The following KCTD19 variants were observed in gnomAD, a reference collection of about 807,000 sequenced individuals.
KCTD19 encodes the protein BTB/POZ domain-containing protein KCTD19.
Under a neutral mutation model 103.5 loss-of-function variants are expected in KCTD19, and 67 were observed. The observed-to-expected ratio is 0.65, with a 90% CI of 0.53 to 0.79. The LOEUF (loss-of-function observed/expected upper bound fraction) is 0.79, where lower values mean the gene tolerates loss of function less well. KCTD19 is among the 30% of genes least tolerant of loss of function. The probability of loss-of-function intolerance (pLI) is 0.00; values close to 1 mark genes in which losing one functional copy is unlikely to be tolerated. For missense variants in KCTD19, 980 were observed against 1,136.1 expected, an observed-to-expected ratio of 0.86 and a Z score of 1.98; for synonymous variants, 439 against 452.2, an observed-to-expected ratio of 0.97 and a Z score of 0.37.
rs1016779366 is a variant in KCTD19 at position 67,304,543 on chromosome 16, T to C, written c.329A>G (p.His110Arg). The change falls in exon 3 of 16, where the codon CAC becomes CGC. Residue 110 changes from histidine (H) to arginine (R), a missense_variant. Transcript: ENST00000304372. The part of the protein sequence containing the change: ...QTLDNLKEGK[H>R]HLRVRPADLP... ...GTCTGCAGGCCGTACGCGTAGATGG[T>C]GTTTCCCTTCCTTCAGGTTATCTAG... 2 of 1,614,138 alleles carry C rather than the reference T, an allele frequency of 1.2e-6. No homozygotes were observed. The highest frequency in any genetic ancestry group is 1.7e-5 in the Admixed American group (1 of 60,024).
chr16:67,316,955 T>G (rs903897906), intron 2 of KCTD19, among the ~76,000 whole-genome samples: 3 of 152,182 alleles, frequency 2.0e-5, no homozygotes, highest in African/African-American at 7.2e-5. Context: ...TGTTGATCAT[T>G]CTACATGGCT....
At chr16:67,292,010 A>C (rs2036702834) in intron 12 of KCTD19, among the ~76,000 whole-genome samples, 173 bp from the exon 13 acceptor site, 1 of 152,088 alleles carries the variant, frequency 6.6e-6, no homozygotes, top group Non-Finnish European at 1.5e-5. Flanking sequence ...AGTAGCTGGG[A>C]TTACAGGCAC....
rs1182540260 is a variant in KCTD19 at position 67,290,913 on chromosome 16, G to T, written c.2639C>A (p.Thr880Asn). 1 of 1,613,988 alleles carries T rather than the reference G, an allele frequency of 6.2e-7. No individual in the cohort carries two copies. Among genetic ancestry groups the T allele is most frequent in the African/African-American group, 1.3e-5 (1 of 75,062 alleles). ...CACCCAGCTGTACAGGCGCTCCTGG[G>T]TGTGCCGGTCATCCTTGAAGCCGGT... The part of the protein sequence containing the change: ...AITGFKDDRH[T>N]QERLYSWVEL... Residue 880 changes from threonine to asparagine, a missense_variant, in exon 15 of 16, where the codon ACC becomes AAC. Thr to Asn is a moderately conservative substitution (Grantham distance 65). Coordinates refer to ENST00000304372, the MANE Select transcript of KCTD19 (RefSeq NM_001100915.3).
At position 67,326,573 on chromosome 16, in the gene KCTD19, G is replaced by A. The variant is rs544804981; in HGVS notation, c.3+132C>T. 29 of 1,280,016 alleles carry A rather than the reference G, an allele frequency of 2.3e-5. 1 individual carries two copies. Among genetic ancestry groups the A allele is most frequent in the South Asian group, 1.2e-4 (9 of 75,112 alleles). The allele number at this position is 1,280,016 out of a possible 1,614,324, so 79.3% of individuals were successfully genotyped here. On this transcript the variant is annotated intron_variant, in intron 1 of 15. Coordinates refer to ENST00000304372, the MANE Select transcript of KCTD19 (RefSeq NM_001100915.3). ...AGAGCCAGCCCCCCAAATCCTTCCC[G>A]GCTGGGGGCCCCTCGCTCTCTCCCA...
In KCTD19 at chr16:67,291,680, C is replaced by T. The variant is rs766569595; in HGVS notation, c.2376G>A (p.Arg792=). 9 of 1,613,818 alleles carry T rather than the reference C, an allele frequency of 5.6e-6. No individual in the cohort carries two copies. Among genetic ancestry groups the T allele is most frequent in the African/African-American group, 1.3e-5 (1 of 74,860 alleles). ...IIYTTEMDNL[R]HTTPTASPQP... is the part of the protein sequence containing the mutation. ...GGGGACTGGCTGTGGGTGTTGTGTG[C>T]CTGAGGTTGTCCATCTCCGTGGTAT... Residue 792 remains arginine, a synonymous_variant, in exon 13 of 16, where the codon AGG becomes AGA. Coordinates refer to ENST00000304372, the MANE Select transcript of KCTD19 (RefSeq NM_001100915.3).
Position 67,291,765 on chromosome 16 carries a change from G to A in KCTD19, c.2291C>T (p.Thr764Ile), listed in dbSNP as rs374808560. 2.0e-5 allele frequency: 33 copies of A among 1,613,962 alleles called. No homozygotes were observed. The highest frequency in any genetic ancestry group is 1.0e-4 in the Admixed American group (6 of 60,002). Reference protein sequence around the residue: ...VDSLGVILKVTHPPVVGSDGF... With the variant: ...VDSLGVILKVIHPPVVGSDGF... ...ATCGCTGCCCACCACGGGGGGGTGA[G>A]TCACTTTGAGGATAACCCCTAGGCT... The change falls in exon 13 of 16, where the codon ACT becomes ATT. Residue 764 changes from threonine (T) to isoleucine (I), a missense_variant. Transcript: ENST00000304372.
chr16:67,302,719 C>T (rs1348009287), intron 4 of KCTD19: 1 of 172,670 alleles, frequency 5.8e-6, no homozygotes, highest in Non-Finnish European at 1.2e-5. Flanking sequence ...AGTTTGCTGA[C>T]ATTAAGAGCA....
chr16:67,311,068 T>C (rs533248176), intron 2 of KCTD19, among the ~76,000 whole-genome samples: 29 of 152,324 alleles, frequency 1.9e-4, no homozygotes, highest in African/African-American at 6.3e-4. Flanking sequence ...AGCAGATATG[T>C]TGTTAAGCAT....
At chr16:67,319,799 C>T (rs1167511737) in intron 2 of KCTD19, among the ~76,000 whole-genome samples, 1 of 150,666 alleles carries the variant, frequency 6.6e-6, no homozygotes, top group Non-Finnish European at 1.5e-5. Flanking sequence ...TGACATTTGG[C>T]CCAAGATTAG....
At chr16:67,304,309 C>T in intron 3 of KCTD19, 112 bp downstream of exon 3, 2 of 1,038,594 alleles carry the variant, frequency 1.9e-6, no homozygotes, top group East Asian at 4.8e-5. Flanking sequence ...ATGACAGAGA[C>T]TGCCTCAGAA....
In KCTD19 at chr16:67,291,006, T is replaced by A. The variant is rs749025113; in HGVS notation, c.2566-20A>T. 6.2e-7 allele frequency: 1 copy of A among 1,612,064 alleles called. No homozygotes were observed. The highest frequency in any genetic ancestry group is 1.1e-5 in the South Asian group (1 of 90,848). ...CAGGGTCTGCCAGGAGAGCCCACAG[T>A]CAGGCAGTGCTAGGGCAGCTCCTAG... On this transcript the variant is annotated intron_variant, in intron 14 of 15. Transcript: ENST00000304372.
Position 67,323,199 on chromosome 16 carries a change from A to G in KCTD19, c.4-2314T>C, listed in dbSNP as rs997051729. On this transcript the variant is annotated intron_variant, in intron 1 of 15. Transcript: ENST00000304372. This position sits in a 1 kb window ranked among gnomAD's most constrained non-coding sequence, Gnocchi z 4.1. Reference sequence around the variant, plus strand: ...ACTATGAGCCAGCAATTCCACTCCTAGGTGTACACTTAAGACAAATAAAGA... The same window carrying G: ...ACTATGAGCCAGCAATTCCACTCCTGGGTGTACACTTAAGACAAATAAAGA... 1.3e-5 allele frequency among the ~76,000 whole-genome samples: 2 copies of G among 152,210 alleles called. No homozygotes were observed. Among genetic ancestry groups the G allele is most frequent in the African/African-American group, 2.4e-5 (1 of 41,460 alleles).
intron 7 of KCTD19, among the ~76,000 whole-genome samples, chr16:67,297,014 A>G (rs1017509890): frequency 2.0e-5 from 3 of 152,220 alleles, no homozygotes; most frequent in African/African-American, 7.2e-5. Context: ...TACAGCTTAA[A>G]CTTTGTCCCC....
At chr16:67,316,270 G>C (rs1237586463) in intron 2 of KCTD19, among the ~76,000 whole-genome samples, 2 of 151,922 alleles carry the variant, frequency 1.3e-5, no homozygotes, top group Non-Finnish European at 2.9e-5. Flanking sequence ...CTTGTCCTGG[G>C]CTCAAGAATC....
rs1385459705 is a variant in KCTD19 at position 67,304,509 on chromosome 16, A to G, written c.363T>C (p.Val121=). 6.2e-7 allele frequency: 1 copy of G among 1,614,066 alleles called. No homozygotes were observed. Among genetic ancestry groups the G allele is most frequent in the Non-Finnish European group, 8.5e-7 (1 of 1,179,908 alleles). The change falls in exon 3 of 16, where the codon GTT becomes GTC. Residue 121 remains valine (V), a synonymous_variant. Coordinates refer to ENST00000304372, the MANE Select transcript of KCTD19 (RefSeq NM_001100915.3). The part of the protein sequence containing the change: ...HLRVRPADLP[V]AERASLNYWR... ...AGTAGTTCAGAGATGCTCTCTCAGCAACAGGTAGGTCTGCAGGCCGTACGC... is the reference window on the plus strand; with the variant it reads ...AGTAGTTCAGAGATGCTCTCTCAGCGACAGGTAGGTCTGCAGGCCGTACGC...
At position 67,297,433 on chromosome 16, in the gene KCTD19, C is replaced by T. The variant is rs916695574; in HGVS notation, c.1147+70G>A. 4.1e-6 allele frequency: 6 copies of T among 1,464,948 alleles called. No homozygotes were observed. The African/African-American group carries it at 7.0e-5, about 17-fold the overall frequency. The allele number at this position is 1,464,948 out of a possible 1,614,324, so 90.7% of individuals were successfully genotyped here. ...CTACAGTTCCTCGTCCTGGCCACAT[C>T]ATCTATTCCCTCCAATCTCCCAGAT... On this transcript the variant is annotated intron_variant, in intron 7 of 15. Coordinates refer to ENST00000304372, the MANE Select transcript of KCTD19 (RefSeq NM_001100915.3).
intron 1 of KCTD19, among the ~76,000 whole-genome samples, chr16:67,321,452 T>C (rs535159210): frequency 6.6e-6 from 1 of 152,186 alleles, no homozygotes; most frequent in Non-Finnish European, 1.5e-5. Flanking sequence ...CTCATGCTCA[T>C]GGATTGGAAG....
rs1365035683 is a variant in KCTD19, at chr16:67,300,149, C to T, written c.776-576G>A. 1.3e-5 allele frequency: 2 copies of T among 152,704 alleles called. No homozygotes were observed. The highest frequency in any genetic ancestry group is 4.8e-5 in the African/African-American group (2 of 41,474). The allele number at this position is 152,704 out of a possible 1,614,324, so 9.5% of individuals were successfully genotyped here. A position where few individuals can be genotyped will look rare whatever the true frequency, so the allele number is the denominator to read the frequency against. On this transcript the variant is annotated intron_variant, in intron 5 of 15. Transcript: ENST00000304372. This position sits in a 1 kb window ranked among gnomAD's most constrained non-coding sequence, Gnocchi z 4.5. ...AGTTATCACAGCCTTCAGGACCCTG[C>T]TCCCGTGGCAACAATGTGCCAGTGG...
intron 1 of KCTD19, among the ~76,000 whole-genome samples, chr16:67,322,448 G>A (rs1287776287): frequency 1.3e-5 from 2 of 151,926 alleles, no homozygotes; most frequent in Non-Finnish European, 2.9e-5. Flanking sequence ...ACAGGCACCC[G>A]CCACCACGCC....
Sources: allele counts gnomAD v4.1 joint callset (sites outside exome capture counted in the v4.1 genomes callset), GRCh38; gene constraint gnomAD v4.1.1; non-coding constraint Gnocchi (gnomAD v3.1); transcripts MANE v1.5; gene names NCBI Gene and HGNC (gene_info 2026-07-23, HGNC 2026-07-21).